TRPM3: variants seen among roughly 807,000 people sequenced by gnomAD.
The protein encoded by TRPM3 is transient receptor potential cation channel subfamily M member 3, also known as long transient receptor potential channel 3.
Under a neutral mutation model 181.2 loss-of-function variants are expected in TRPM3, and 77 were observed. The observed-to-expected ratio is 0.42, with a 90% CI of 0.35 to 0.51. TRPM3 has a LOEUF of 0.51. TRPM3 is among the 20% of genes least tolerant of loss of function. TRPM3 has a pLI of 0.01. For synonymous variants in TRPM3, 745 were observed against 796.4 expected (o/e 0.94, Z 1.09); for missense variants, 1,759 against 2,196.7 (o/e 0.80, Z 3.98).
intron 1 of TRPM3, among the ~76,000 whole-genome samples, chr9:70,924,447 G>A (rs1034633705): frequency 2.0e-5 from 3 of 152,042 alleles, no homozygotes; most frequent in African/African-American, 7.2e-5. Context: ...CCTTACTGAT[G>A]ACAATCAGTT....
chr9:70,848,913 C>T (rs1356181777), intron 3 of TRPM3, among the ~76,000 whole-genome samples: 1 of 25,224 alleles, frequency 4.0e-5, no homozygotes, highest in Non-Finnish European at 8.2e-5. Flanking sequence ...GGAGGCGGAG[C>T]TTGCAGTGAG....
At chr9:70,643,465 A>C (rs2058373379) in intron 9 of TRPM3, among the ~76,000 whole-genome samples, 1 of 152,238 alleles carries the variant, frequency 6.6e-6, no homozygotes, top group South Asian at 2.1e-4. Flanking sequence ...GCCTGAATGT[A>C]ATTAGGCAAG....
chr9:70,841,609 T>C (rs2094631873), intron 5 of TRPM3, among the ~76,000 whole-genome samples: 1 of 136,174 alleles, frequency 7.3e-6, no homozygotes, highest in African/African-American at 2.7e-5. Flanking sequence ...ATTGGATATA[T>C]ATATCTATAT....
chr9:70,839,785 A>G (rs750458727), intron 5 of TRPM3, among the ~76,000 whole-genome samples: 34 of 152,244 alleles, frequency 2.2e-4, no homozygotes, highest in Non-Finnish European at 5.0e-4. Flanking sequence ...AAATGATGGC[A>G]TTTTGATAGA....
At chr9:70,807,778 T>C (rs1390927121) in intron 6 of TRPM3, among the ~76,000 whole-genome samples, 2 of 152,050 alleles carry the variant, frequency 1.3e-5, no homozygotes, top group African/African-American at 2.4e-5. Context: ...GAGGCTGATA[T>C]AGAGCACAGC....
chr9:71,204,076 G>A lies in TRPM3; in HGVS notation c.183+242577C>T, dbSNP rs1350742102. Among the ~76,000 whole-genome samples the A allele has an allele frequency of 5.3e-5, 8 of 151,530 alleles. 1 individual carries two copies. The highest frequency in any genetic ancestry group is 4.6e-4 in the Admixed American group (7 of 15,160). The stretch of plus-strand genomic sequence containing the variant: ...AAAAATTAATTCAAGATGGATTAAA[G>A]ACTTAAACATTAGACCTAAAACCAT... On this transcript the variant is annotated intron_variant, in intron 1 of 24. Transcript: ENST00000357533.
At chr9:71,077,706 G>A (rs1273885084) in intron 1 of TRPM3, among the ~76,000 whole-genome samples, 3 of 151,912 alleles carry the variant, frequency 2.0e-5, no homozygotes, top group African/African-American at 4.8e-5. Flanking sequence ...ACTAGTGGAC[G>A]GTAGAGACCG....
At chr9:71,384,492 C>A (rs184451450) in intron 1 of TRPM3, among the ~76,000 whole-genome samples, 1 of 152,190 alleles carries the variant, frequency 6.6e-6, no homozygotes, top group Non-Finnish European at 1.5e-5. Flanking sequence ...CCCATTCACA[C>A]GGCTGTCGTC....
chr9:70,781,966 T>C (rs2082555127), intron 7 of TRPM3, among the ~76,000 whole-genome samples: 1 of 151,962 alleles, frequency 6.6e-6, no homozygotes, highest in African/African-American at 2.4e-5. Flanking sequence ...AGGTGAACAG[T>C]GTACTTTTCC....
At chr9:71,317,902 A>T (rs2088801149) in intron 1 of TRPM3, among the ~76,000 whole-genome samples, 1 of 152,166 alleles carries the variant, frequency 6.6e-6, no homozygotes, top group Non-Finnish European at 1.5e-5. Context: ...CAAAAATATA[A>T]CTTTTAAATA....
At chr9:71,041,528 C>T (rs991072615) in intron 1 of TRPM3, among the ~76,000 whole-genome samples, 2 of 152,084 alleles carry the variant, frequency 1.3e-5, no homozygotes, top group Non-Finnish European at 2.9e-5. Flanking sequence ...GTTTTTCTGA[C>T]TAACTCCATT....
At chr9:71,236,077 T>C (rs2081334652) in intron 1 of TRPM3, among the ~76,000 whole-genome samples, 1 of 152,194 alleles carries the variant, frequency 6.6e-6, no homozygotes, top group South Asian at 2.1e-4. Flanking sequence ...TCTACCAATG[T>C]CATATAATAA....
At chr9:70,813,034 G>C (rs190770053) in intron 6 of TRPM3, among the ~76,000 whole-genome samples, 1 of 152,342 alleles carries the variant, frequency 6.6e-6, no homozygotes, top group Admixed American at 6.5e-5. Context: ...AAGGAGTTTA[G>C]AGTTCAGGTT....
intron 22 of TRPM3, among the ~76,000 whole-genome samples, chr9:70,587,397 C>A (rs1043099436): frequency 6.6e-6 from 1 of 152,082 alleles, no homozygotes; most frequent in African/African-American, 2.4e-5. Context: ...ACATGGATGC[C>A]CTGTAAATAA....
chr9:71,206,889 A>G (rs2079157740), intron 1 of TRPM3, among the ~76,000 whole-genome samples: 1 of 152,026 alleles, frequency 6.6e-6, no homozygotes, highest in Non-Finnish European at 1.5e-5. Context: ...CAGAAAAAAA[A>G]AATGACTTAA....
chr9:70,909,540 G>C (rs548707533), intron 1 of TRPM3, among the ~76,000 whole-genome samples: 18 of 152,000 alleles, frequency 1.2e-4, no homozygotes, highest in Non-Finnish European at 2.4e-4. Flanking sequence ...AACAGCATTG[G>C]AAGGTTGGGC....
intron 6 of TRPM3, among the ~76,000 whole-genome samples, chr9:70,794,995 C>T (rs1379611893): frequency 1.3e-5 from 2 of 152,172 alleles, no homozygotes; most frequent in Non-Finnish European, 2.9e-5. Flanking sequence ...TTTTCTTTGT[C>T]CTCATTCCCT....
At chr9:70,866,623 G>T (rs186712830) in intron 1 of TRPM3, among the ~76,000 whole-genome samples, 2 of 152,044 alleles carry the variant, frequency 1.3e-5, no homozygotes, top group Non-Finnish European at 2.9e-5. Flanking sequence ...CAGATGAGGG[G>T]ACTATGAAAT....
chr9:71,329,407 G>A (rs35644590), intron 1 of TRPM3, among the ~76,000 whole-genome samples: 29,948 of 152,020 alleles, frequency 0.2, 3,689 homozygotes, highest in East Asian at 0.38. Context: ...ATTTCCATTG[G>A]TCAATAAGAG....
Sources: gnomAD v4.1 joint callset for allele counts (sites outside exome capture counted in the v4.1 genomes callset) on GRCh38, gnomAD v4.1.1 for gene constraint, MANE v1.5 for transcripts, NCBI Gene and HGNC (gene_info 2026-07-23, HGNC 2026-07-21) for gene names.